SPTLC3: variants seen among roughly 807,000 people sequenced by gnomAD.
SPTLC3 encodes serine palmitoyltransferase long chain base subunit 3.
SPTLC3 carries 36 observed loss-of-function variants against 59.3 expected under a neutral mutation model. The ratio of observed to expected loss-of-function variants is 0.61; its 90% CI spans 0.47 to 0.80. SPTLC3 has a LOEUF of 0.80. Among genes scored for constraint, SPTLC3 ranks in the 30% least tolerant of loss-of-function variants. The pLI, the probability that SPTLC3 is intolerant of heterozygous loss-of-function variation, is 0.00. For synonymous variants in SPTLC3, 257 were observed against 240.8 expected (o/e 1.07, Z -0.62); for missense variants, 625 against 685.1 (o/e 0.91, Z 0.98).
intron 1 of SPTLC3, among the ~76,000 whole-genome samples, chr20:13,021,589 G>C (rs982332315): frequency 9.2e-6 from 1 of 108,756 alleles, no homozygotes; most frequent in East Asian, 3.2e-4. Context: ...CACCAAAACT[G>C]TTTTCTTGTC....
At position 13,166,818 on chromosome 20, in the gene SPTLC3, C is replaced by T. The variant is rs373890448; in HGVS notation, c.*1951C>T. The T allele has an allele frequency of 1.3e-5, 2 of 152,184 alleles. No homozygotes were observed. The highest frequency in any genetic ancestry group is 1.3e-4 in the Admixed American group (2 of 15,276). The allele number at this position is 152,184 out of a possible 1,614,324, so 9.4% of individuals were successfully genotyped here. ...TCACATCTACACTTCAAGTTTTAAGCCCCTAGACATGTGTCTTCATGAGCA... is the reference window on the plus strand; with the variant it reads ...TCACATCTACACTTCAAGTTTTAAGTCCCTAGACATGTGTCTTCATGAGCA... On this transcript the variant is annotated 3_prime_UTR_variant, in exon 12 of 12. Coordinates refer to ENST00000399002, the MANE Select transcript of SPTLC3 (RefSeq NM_018327.4).
intron 11 of SPTLC3, among the ~76,000 whole-genome samples, chr20:13,163,137 G>A (rs1392670539): frequency 6.6e-6 from 1 of 152,110 alleles, no homozygotes; most frequent in Non-Finnish European, 1.5e-5. Context: ...GGAGGTTGAG[G>A]TGGGCGGATG....
intron 1 of SPTLC3, among the ~76,000 whole-genome samples, chr20:13,043,957 G>C (rs1018828438): frequency 6.6e-6 from 1 of 151,916 alleles, no homozygotes; most frequent in African/African-American, 2.4e-5. Context: ...TGGTCTTGTT[G>C]AACTTCTATA....
At chr20:13,054,158 A>G (rs1987616107) in intron 2 of SPTLC3, among the ~76,000 whole-genome samples, 1 of 152,220 alleles carries the variant, frequency 6.6e-6, no homozygotes, top group Admixed American at 6.5e-5. Flanking sequence ...TAGAGAAAGC[A>G]TTGTACATTC....
intron 1 of SPTLC3, among the ~76,000 whole-genome samples, chr20:13,021,382 G>A (rs1270512090): frequency 6.6e-6 from 1 of 152,070 alleles, no homozygotes; most frequent in South Asian, 2.1e-4. Context: ...GGGTTAACTT[G>A]TTTAAGTTTG....
intron 2 of SPTLC3, among the ~76,000 whole-genome samples, chr20:13,055,713 C>T: frequency 6.6e-6 from 1 of 152,196 alleles, no homozygotes; most frequent in Admixed American, 6.5e-5. Context: ...TCCTAGAAAG[C>T]CTACTCTGGG....
intron 6 of SPTLC3, among the ~76,000 whole-genome samples, chr20:13,095,505 T>C (rs1034212329): frequency 1.3e-5 from 2 of 152,150 alleles, no homozygotes; most frequent in African/African-American, 4.8e-5. Flanking sequence ...TAGGTAAGCA[T>C]ACATACATAT....
rs1035936758 is a variant in SPTLC3, at chr20:13,156,780, C to T, written c.1415+2642C>T. Among the ~76,000 whole-genome samples the T allele has an allele frequency of 2.0e-5, 3 of 152,216 alleles. No homozygotes were observed. The South Asian group carries it at 6.2e-4, about 32-fold the overall frequency. On this transcript the variant is annotated intron_variant, in intron 10 of 11. Transcript: ENST00000399002. ...TCAATCAGTGGTAGCCATTTCACTACTACTCTGCAACAATGATGATCATTA... is the reference window on the plus strand; with the variant it reads ...TCAATCAGTGGTAGCCATTTCACTATTACTCTGCAACAATGATGATCATTA...
intron 3 of SPTLC3, among the ~76,000 whole-genome samples, chr20:13,073,038 T>C (rs977474490): frequency 1.3e-5 from 2 of 152,248 alleles, no homozygotes; most frequent in African/African-American, 4.8e-5. Flanking sequence ...TCATCTTAAA[T>C]ATTTGTCTTT....
intron 8 of SPTLC3, among the ~76,000 whole-genome samples, chr20:13,125,429 C>T (rs906613136): frequency 2.6e-5 from 4 of 152,228 alleles, no homozygotes; most frequent in African/African-American, 9.6e-5. Flanking sequence ...TCTACTCAAA[C>T]TGTCCTTTGC....
chr20:13,050,289 T>G (rs762591710), intron 2 of SPTLC3: 1 of 152,022 alleles, frequency 6.6e-6, no homozygotes, highest in Non-Finnish European at 1.5e-5. Flanking sequence ...TGCAAAATGC[T>G]CTGGAAAGTC....
At position 13,115,947 on chromosome 20, in the gene SPTLC3, T is replaced by A. The variant is rs563048763; in HGVS notation, c.933-1559T>A. ...AGCTTAGGCAGCCAGATGGCCAGAC[T>A]GTCTTCCCCTCAATGGAAACAATTT... On this transcript the variant is annotated intron_variant, in intron 7 of 11. Coordinates refer to ENST00000399002, the MANE Select transcript of SPTLC3 (RefSeq NM_018327.4). 4.6e-5 allele frequency among the ~76,000 whole-genome samples: 7 copies of A among 152,328 alleles called. No individual in the cohort carries two copies. The East Asian group carries it at 5.8e-4, about 13-fold the overall frequency.
chr20:13,148,504 A>G (rs1474708516), intron 9 of SPTLC3, among the ~76,000 whole-genome samples: 1 of 152,188 alleles, frequency 6.6e-6, no homozygotes, highest in Non-Finnish European at 1.5e-5. Flanking sequence ...CACCCCCACG[A>G]AAAGGTATCT....
chr20:13,102,199 T>C (rs1399806403), intron 6 of SPTLC3, among the ~76,000 whole-genome samples: 1 of 152,178 alleles, frequency 6.6e-6, no homozygotes, highest in Non-Finnish European at 1.5e-5. Flanking sequence ...TTGCAAGCCA[T>C]GATCTTTTAT....
intron 2 of SPTLC3, among the ~76,000 whole-genome samples, chr20:13,069,405 C>T (rs985509125): frequency 6.6e-6 from 1 of 152,100 alleles, no homozygotes; most frequent in Non-Finnish European, 1.5e-5. Context: ...ACAATTTTTC[C>T]ACCAAAAGCC....
At chr20:13,118,448 G>GAAAAAAAAAAAA (rs376312661) in intron 8 of SPTLC3, among the ~76,000 whole-genome samples, 2 of 108,716 alleles carry the variant, frequency 1.8e-5, no homozygotes, top group African/African-American at 3.6e-5. Context: ...AGAGGTTTGT[G>GAAAAAAAAAAAA]GAAAAAAAAA....
intron 8 of SPTLC3, among the ~76,000 whole-genome samples, chr20:13,121,616 G>A (rs573622939): frequency 1.3e-4 from 20 of 152,212 alleles, no homozygotes; most frequent in African/African-American, 3.1e-4. Flanking sequence ...ACCCAGACTC[G>A]CCTTGCAAAA....
At chr20:13,136,278 C>A (rs111393224) in intron 9 of SPTLC3, among the ~76,000 whole-genome samples, 34 of 152,160 alleles carry the variant, frequency 2.2e-4, no homozygotes, top group African/African-American at 8.2e-4. Flanking sequence ...TCCTGGAAAA[C>A]AATAGCTATT....
intron 2 of SPTLC3, among the ~76,000 whole-genome samples, chr20:13,053,915 T>G (rs1987608075): frequency 1.3e-5 from 2 of 152,136 alleles, no homozygotes; most frequent in South Asian, 4.1e-4. Flanking sequence ...TACATTTGAT[T>G]GATGTACCTG....
Sources: gnomAD v4.1 joint callset for allele counts (sites outside exome capture counted in the v4.1 genomes callset) on GRCh38, gnomAD v4.1.1 for gene constraint, MANE v1.5 for transcripts, NCBI Gene and HGNC (gene_info 2026-07-23, HGNC 2026-07-21) for gene names.